NRAP: variants seen among roughly 807,000 people sequenced by gnomAD.
The protein encoded by NRAP is nebulin related anchoring protein.
NRAP carries 189 observed loss-of-function variants against 225.9 expected under a neutral mutation model. The observed-to-expected ratio is 0.84, with a 90% confidence interval of 0.74 to 0.94. The LOEUF (loss-of-function observed/expected upper bound fraction) is 0.94, where lower values mean the gene tolerates loss of function less well. NRAP is among the 40% of genes least tolerant of loss of function. The pLI is 0.00. For synonymous variants in NRAP, 769 were observed against 790.7 expected (o/e 0.97, Z 0.46); for missense variants, 2,176 against 2,168.7 (o/e 1.00, Z -0.07).
At chr10:113,610,621 C>A (rs1215244220) in intron 30 of NRAP, 58 bp from the exon 31 acceptor site, 3 of 1,042,694 alleles carry the variant, frequency 2.9e-6, no homozygotes, top group Admixed American at 3.6e-5. Context: ...AACAGGGAAG[C>A]AAAGCAAAAC....
intron 32 of NRAP, 70 bp from the exon 33 acceptor site, chr10:113,606,352 C>T (rs1846967550): frequency 1.0e-5 from 10 of 952,600 alleles, no homozygotes; most frequent in Non-Finnish European, 1.3e-5. Flanking sequence ...TGCTGGAAGT[C>T]CCTCAACGAT....
intron 20 of NRAP, among the ~76,000 whole-genome samples, chr10:113,628,435 AC>A (rs778244888): frequency 2.0e-5 from 3 of 152,064 alleles, no homozygotes; most frequent in Non-Finnish European, 4.4e-5. Context: ...TGATCTGCCC[AC>A]CTAGGCCTCC....
At chr10:113,610,032 A>G (rs961089965) in intron 31 of NRAP, among the ~76,000 whole-genome samples, 8 of 152,052 alleles carry the variant, frequency 5.3e-5, no homozygotes, top group African/African-American at 1.9e-4. Context: ...AGAGTTTAAC[A>G]TCCAACTGGC....
At chr10:113,653,980 A>G in intron 5 of NRAP, 41 bp downstream of exon 5, 1 of 1,199,484 alleles carries the variant, frequency 8.3e-7, no homozygotes, top group South Asian at 1.2e-5. Flanking sequence ...TTGCTAAGTA[A>G]TTGCTAAACC....
intron 35 of NRAP, among the ~76,000 whole-genome samples, chr10:113,601,693 A>T (rs1846612378): frequency 6.6e-6 from 1 of 152,166 alleles, no homozygotes; most frequent in African/African-American, 2.4e-5. Flanking sequence ...TTAGTGTGAA[A>T]ATGTCCTTTC....
intron 20 of NRAP, among the ~76,000 whole-genome samples, chr10:113,628,087 C>A (rs1848381708): frequency 6.6e-6 from 1 of 152,240 alleles, no homozygotes; most frequent in South Asian, 2.1e-4. Flanking sequence ...TCCTCCTCTG[C>A]CTGCTGCCAG....
At chr10:113,637,657 C>T (rs992164113) in intron 14 of NRAP, among the ~76,000 whole-genome samples, 3 of 152,192 alleles carry the variant, frequency 2.0e-5, no homozygotes, top group African/African-American at 7.2e-5. Flanking sequence ...GGTGTGGTGG[C>T]TCACGCCTGT....
rs190433901 is a variant in NRAP, at chr10:113,610,505, G to A, written c.3557C>T (p.Thr1186Met). Residue 1186 changes from threonine to methionine, a missense_variant, in exon 31 of 42, where the codon ACG becomes ATG. Around this residue, in one of 3 missense-constraint regions of NRAP, gnomAD observed 1,708 missense variants for 1,695.5 expected, o/e 1.01. Coordinates refer to ENST00000359988, the MANE Select transcript of NRAP (RefSeq NM_198060.4). ...TTTCTTCCTCCCTTCAATCTCTAACGTGCCTGGAATGACACATGCAACACC... is the reference window on the plus strand; with the variant it reads ...TTTCTTCCTCCCTTCAATCTCTAACATGCCTGGAATGACACATGCAACACC... ...MRGVACVIPG[T>M]LEIEGRKKAS... The A allele has an allele frequency of 1.2e-5, 20 of 1,604,436 alleles. No homozygotes were observed. In the East Asian group the frequency reaches 2.7e-4, roughly 21 times the overall value.
intron 28 of NRAP, 118 bp downstream of exon 28, chr10:113,614,721 G>T: frequency 1.5e-6 from 1 of 682,304 alleles, no homozygotes. Flanking sequence ...CCCTGACACA[G>T]TCAGTTCGGA....
chr10:113,589,124 C>A (rs1355842396), intron 41 of NRAP, 45 bp from the exon 42 acceptor site: 1 of 1,523,850 alleles, frequency 6.6e-7, no homozygotes, highest in Non-Finnish European at 9.1e-7. Flanking sequence ...AGCTCCCCCA[C>A]CCCCACTCCC....
At chr10:113,600,743 T>G (rs748467866) in intron 35 of NRAP, among the ~76,000 whole-genome samples, 2 of 152,182 alleles carry the variant, frequency 1.3e-5, no homozygotes, top group African/African-American at 2.4e-5. Context: ...CTACCAGCTG[T>G]GGCCTTGGGC....
At chr10:113,625,394 C>T (rs796581160) in intron 21 of NRAP, among the ~76,000 whole-genome samples, 7 of 152,306 alleles carry the variant, frequency 4.6e-5, no homozygotes, top group African/African-American at 1.7e-4. Context: ...GCGTGGACAT[C>T]TCCTCCATGG....
At chr10:113,634,050 A>C in intron 15 of NRAP, 62 bp downstream of exon 15, 2 of 1,008,246 alleles carry the variant, frequency 2.0e-6, no homozygotes, top group Non-Finnish European at 3.2e-6. Context: ...TCAGATGTCC[A>C]GAGGCCTCAA....
At chr10:113,638,699 A>C (rs1458993860) in intron 14 of NRAP, among the ~76,000 whole-genome samples, 4 of 152,194 alleles carry the variant, frequency 2.6e-5, no homozygotes, top group African/African-American at 4.8e-5. Flanking sequence ...TGAGCGTATT[A>C]GTTTTTGTCT....
intron 30 of NRAP, 58 bp from the exon 31 acceptor site, chr10:113,610,621 C>G: frequency 9.6e-7 from 1 of 1,042,696 alleles, no homozygotes; most frequent in Non-Finnish European, 1.5e-6. Context: ...AACAGGGAAG[C>G]AAAGCAAAAC....
Position 113,614,425 on chromosome 10 carries a change from G to C in NRAP, c.3187-129C>G. 4.4e-6 allele frequency: 3 copies of C among 687,728 alleles called. No individual in the cohort carries two copies. In the South Asian group the frequency reaches 5.1e-5, roughly 12 times the overall value. The allele number at this position is 687,728 out of a possible 1,614,324, so 42.6% of individuals were successfully genotyped here. On this transcript the variant is annotated intron_variant, in intron 28 of 41. Coordinates refer to ENST00000359988, the MANE Select transcript of NRAP (RefSeq NM_198060.4). ...TGGGTGAGTTAAAAGAAAATGCGCG[G>C]GAGTCGTCAAAAGGGCTATTCTTTC...
At position 113,590,614 on chromosome 10, in the gene NRAP, G is replaced by T; in HGVS notation, c.4920C>A (p.Leu1640=). ...QPTCDPEQLG[L]RHAQKAHQLQ... ...GCTGGTGGGCCTTCTGAGCATGCCTGAGGCCCAGCTGCTCCGGGTCGCAGG... is the reference window on the plus strand; with the variant it reads ...GCTGGTGGGCCTTCTGAGCATGCCTTAGGCCCAGCTGCTCCGGGTCGCAGG... Residue 1640 remains leucine, a synonymous_variant, in exon 40 of 42, where the codon CTC becomes CTA. Coordinates refer to ENST00000359988, the MANE Select transcript of NRAP (RefSeq NM_198060.4). 2.5e-6 allele frequency: 4 copies of T among 1,613,454 alleles called. No individual in the cohort carries two copies. Among genetic ancestry groups the T allele is most frequent in the Non-Finnish European group, 3.4e-6 (4 of 1,180,004 alleles).
chr10:113,635,045 C>T (rs995390338), intron 14 of NRAP, among the ~76,000 whole-genome samples: 3 of 152,192 alleles, frequency 2.0e-5, no homozygotes, highest in African/African-American at 7.2e-5. Flanking sequence ...GAGGCAGAAT[C>T]GTCAGTGCAG....
chr10:113,648,865 C>A (rs955598284), intron 9 of NRAP, among the ~76,000 whole-genome samples: 3 of 152,190 alleles, frequency 2.0e-5, no homozygotes, highest in African/African-American at 7.2e-5. Context: ...TCTGTACCTA[C>A]AGACATGTCT....
Sources: allele counts gnomAD v4.1 joint callset (sites outside exome capture counted in the v4.1 genomes callset), GRCh38; gene constraint gnomAD v4.1.1; regional missense constraint gnomAD v4.1.1; transcripts MANE v1.5; gene names NCBI Gene and HGNC (gene_info 2026-07-23, HGNC 2026-07-21).